Variants in KCNQ5 observed in about 807,000 individuals in gnomAD.
KCNQ5 encodes potassium voltage-gated channel subfamily Q member 5.
A neutral mutation model predicts 98.2 loss-of-function variants in KCNQ5; 30 were observed. The ratio of observed to expected loss-of-function variants is 0.31; its 90% CI spans 0.23 to 0.41. The LOEUF is 0.41. Among genes scored for constraint, KCNQ5 ranks in the 10% least tolerant of loss-of-function variants. KCNQ5 has a pLI of 1.00. For missense variants in KCNQ5, 835 were observed against 1,182.5 expected (o/e 0.71, Z 4.31); for synonymous variants, 458 against 449.4 (o/e 1.02, Z -0.24).
intron 1 of KCNQ5, among the ~76,000 whole-genome samples, chr6:72,746,726 A>G (rs944648559): frequency 6.6e-6 from 1 of 152,204 alleles, no homozygotes; most frequent in African/African-American, 2.4e-5. Context: ...GGAATAAGGA[A>G]AAAAGTTAGA....
intron 1 of KCNQ5, among the ~76,000 whole-genome samples, chr6:72,860,639 T>C (rs147572494): frequency 1.4e-3 from 210 of 152,316 alleles, no homozygotes; most frequent in East Asian, 0.01. Flanking sequence ...AGAGAATCAA[T>C]GTATTCATTT....
intron 11 of KCNQ5, among the ~76,000 whole-genome samples, chr6:73,172,578 C>A (rs1778050314): frequency 6.6e-6 from 1 of 152,164 alleles, no homozygotes; most frequent in Admixed American, 6.5e-5. Flanking sequence ...CAGAAGGGTT[C>A]TTTTCCTAAG....
intron 1 of KCNQ5, among the ~76,000 whole-genome samples, chr6:72,941,337 CT>C (rs370610557): frequency 2.3e-4 from 10 of 42,682 alleles, no homozygotes; most frequent in South Asian, 3.5e-3. Flanking sequence ...TCCTTCCTTC[CT>C]TCCTTTCTTC....
intron 1 of KCNQ5, among the ~76,000 whole-genome samples, chr6:72,957,445 A>G (rs1200676753): frequency 6.6e-6 from 1 of 152,106 alleles, no homozygotes; most frequent in African/African-American, 2.4e-5. Context: ...TGCTGGTATT[A>G]CAGGCATGAG....
chr6:72,742,844 G>A (rs1771199752), intron 1 of KCNQ5, among the ~76,000 whole-genome samples: 2 of 152,138 alleles, frequency 1.3e-5, no homozygotes, highest in Admixed American at 1.3e-4. Context: ...ATAGAATGCA[G>A]CTGTCTGATT....
rs76235098 is a variant in KCNQ5 at position 72,638,526 on chromosome 6, A to G, written c.398+15939A>G. Among the ~76,000 whole-genome samples the G allele has an allele frequency of 9.2e-3, 1,401 of 152,278 alleles. 11 individuals are homozygous for G. Among genetic ancestry groups the G allele is most frequent in the East Asian group, 0.02 (106 of 5,172 alleles). ...AAGAATAATCAAACCATCACGTTGT[A>G]CTGGAGAAGACAGAATATTCCTCTA... On this transcript the variant is annotated intron_variant, in intron 1 of 13. Coordinates refer to ENST00000370398, the MANE Select transcript of KCNQ5 (RefSeq NM_019842.4).
chr6:72,909,194 A>G (rs1779821774), intron 1 of KCNQ5, among the ~76,000 whole-genome samples: 1 of 152,166 alleles, frequency 6.6e-6, no homozygotes, highest in Admixed American at 6.5e-5. Flanking sequence ...GGGAAAAGTT[A>G]TAGGTAATAA....
At chr6:72,847,487 T>C (rs980657155) in intron 1 of KCNQ5, among the ~76,000 whole-genome samples, 7 of 152,134 alleles carry the variant, frequency 4.6e-5, no homozygotes, top group Non-Finnish European at 7.3e-5. Context: ...GTGGTGGTGA[T>C]TGGGGGTGGA....
intron 6 of KCNQ5, among the ~76,000 whole-genome samples, chr6:73,109,655 G>A (rs945599050): frequency 6.6e-6 from 1 of 152,160 alleles, no homozygotes; most frequent in Non-Finnish European, 1.5e-5. Flanking sequence ...GGGAAATGTT[G>A]TTTAAATCTA....
chr6:73,108,527 T>TA (rs1410428848), intron 6 of KCNQ5, among the ~76,000 whole-genome samples: 4 of 152,064 alleles, frequency 2.6e-5, no homozygotes, highest in Non-Finnish European at 5.9e-5. Context: ...AAAAACCGTT[T>TA]AAAAAAACAG....
chr6:72,906,516 C>T (rs1334879569), intron 1 of KCNQ5, among the ~76,000 whole-genome samples: 4 of 152,208 alleles, frequency 2.6e-5, no homozygotes, highest in African/African-American at 9.7e-5. Flanking sequence ...GAAGGGTCCC[C>T]ATGGTGCCAG....
intron 1 of KCNQ5, among the ~76,000 whole-genome samples, chr6:72,803,661 AT>A (rs1774782285): frequency 6.6e-6 from 1 of 152,120 alleles, no homozygotes; most frequent in South Asian, 2.1e-4. Flanking sequence ...TACTCCTAAT[AT>A]GTTCACAAAT....
chr6:72,900,097 A>G (rs1779425980), intron 1 of KCNQ5, among the ~76,000 whole-genome samples: 1 of 151,980 alleles, frequency 6.6e-6, no homozygotes, highest in African/African-American at 2.4e-5. Flanking sequence ...TGGCCTCCCA[A>G]ACTGCTGGGA....
intron 1 of KCNQ5, among the ~76,000 whole-genome samples, chr6:72,837,812 T>C (rs1776575336): frequency 6.6e-6 from 1 of 152,174 alleles, no homozygotes; most frequent in Admixed American, 6.5e-5. Context: ...TGTTGAAGCA[T>C]GTTATATATG....
intron 1 of KCNQ5, among the ~76,000 whole-genome samples, chr6:72,927,893 G>C (rs1401678630): frequency 1.3e-5 from 2 of 151,862 alleles, no homozygotes; most frequent in Non-Finnish European, 2.9e-5. Context: ...ACTGTTCCTG[G>C]TCATAACAGG....
chr6:72,790,847 T>A (rs1422161513), intron 1 of KCNQ5, among the ~76,000 whole-genome samples: 2 of 152,120 alleles, frequency 1.3e-5, no homozygotes, highest in Non-Finnish European at 2.9e-5. Flanking sequence ...AAAACAGAGT[T>A]TTTAGGTCCA....
intron 1 of KCNQ5, among the ~76,000 whole-genome samples, chr6:72,921,298 C>G (rs984183388): frequency 6.6e-6 from 1 of 152,098 alleles, no homozygotes; most frequent in Non-Finnish European, 1.5e-5. Context: ...TTAGGAGAAC[C>G]AGATGTTCAA....
chr6:73,014,802 C>A (rs572877514), intron 2 of KCNQ5, among the ~76,000 whole-genome samples: 21 of 151,914 alleles, frequency 1.4e-4, no homozygotes, highest in Non-Finnish European at 1.8e-4. Context: ...CTTTTTAATG[C>A]GGGCACATGC....
At chr6:72,897,238 T>C (rs530422753) in intron 1 of KCNQ5, among the ~76,000 whole-genome samples, 1 of 151,722 alleles carries the variant, frequency 6.6e-6, no homozygotes, top group African/African-American at 2.4e-5. Flanking sequence ...GGAAAAAAAA[T>C]TTATTAAAAA....
Sources: gnomAD v4.1 joint callset for allele counts (sites outside exome capture counted in the v4.1 genomes callset) on GRCh38, gnomAD v4.1.1 for gene constraint, MANE v1.5 for transcripts, NCBI Gene and HGNC (gene_info 2026-07-23, HGNC 2026-07-21) for gene names.